CNTN4: variants seen among roughly 807,000 people sequenced by gnomAD.
The protein encoded by CNTN4 is contactin-4.
A neutral mutation model predicts 122.5 loss-of-function variants in CNTN4; 77 were observed. That is an observed-to-expected ratio of 0.63 (90% confidence interval 0.52 to 0.76). The LOEUF (loss-of-function observed/expected upper bound fraction) is 0.76, where lower values mean the gene tolerates loss of function less well. Among genes scored for constraint, CNTN4 ranks in the 30% least tolerant of loss-of-function variants. The pLI is 0.00. For missense variants in CNTN4, 1,256 were observed against 1,259.1 expected, an observed-to-expected ratio of 1.00 and a Z score of 0.04; for synonymous variants, 512 against 447.0, an observed-to-expected ratio of 1.15 and a Z score of -1.83.
intron 8 of CNTN4, among the ~76,000 whole-genome samples, chr3:2,868,594 A>G (rs1186841549): frequency 6.6e-6 from 1 of 152,146 alleles, no homozygotes; most frequent in Non-Finnish European, 1.5e-5. Flanking sequence ...CATCCTTTCT[A>G]CATAGACTAC....
At chr3:2,555,704 A>G (rs1387190120) in intron 3 of CNTN4, among the ~76,000 whole-genome samples, 2 of 152,222 alleles carry the variant, frequency 1.3e-5, no homozygotes, top group East Asian at 3.8e-4. Context: ...GGCAGTGCAT[A>G]GTACAACTCT....
In CNTN4 at chr3:2,890,238, T is replaced by G. The variant is rs556883844; in HGVS notation, c.940+3014T>G. Among the ~76,000 whole-genome samples the G allele has an allele frequency of 2.6e-5, 4 of 152,362 alleles. No homozygotes were observed. In the South Asian group the frequency reaches 6.2e-4, roughly 24 times the overall value. Reference sequence around the variant, plus strand: ...TGTCACAGCCACAGGAGAGCTTAATTATACATAAGCACTTGGCTGTCATCT... The same window carrying G: ...TGTCACAGCCACAGGAGAGCTTAATGATACATAAGCACTTGGCTGTCATCT... On this transcript the variant is annotated intron_variant, in intron 10 of 24. Transcript: ENST00000418658.
intron 3 of CNTN4, among the ~76,000 whole-genome samples, chr3:2,394,842 A>G (rs1335516698): frequency 7.2e-6 from 1 of 138,756 alleles, no homozygotes; most frequent in African/African-American, 2.6e-5. Context: ...ACTGGAGTAC[A>G]GTGGCGCAAT....
At chr3:2,895,343 T>C (rs968017850) in intron 10 of CNTN4, among the ~76,000 whole-genome samples, 2 of 152,230 alleles carry the variant, frequency 1.3e-5, no homozygotes, top group Non-Finnish European at 2.9e-5. Flanking sequence ...CTAATTTTCA[T>C]AACATTTACA....
At chr3:2,574,632 C>A (rs949344160) in intron 4 of CNTN4, among the ~76,000 whole-genome samples, 2 of 152,092 alleles carry the variant, frequency 1.3e-5, no homozygotes, top group African/African-American at 2.4e-5. Context: ...CTTCATTATT[C>A]TTCTTCTTCA....
chr3:2,624,076 A>G (rs1329017439), intron 4 of CNTN4, among the ~76,000 whole-genome samples: 1 of 152,202 alleles, frequency 6.6e-6, no homozygotes, highest in African/African-American at 2.4e-5. Flanking sequence ...GCCATTCACT[A>G]CTTTGAAATT....
At chr3:3,010,469 A>T (rs77659288) in intron 14 of CNTN4, among the ~76,000 whole-genome samples, 1 of 24,048 alleles carries the variant, frequency 4.2e-5, no homozygotes, top group South Asian at 6.4e-4. Context: ...TGCCATTAAA[A>T]AAAAAAAAAA....
At chr3:2,474,036 A>T (rs1017416847) in intron 3 of CNTN4, among the ~76,000 whole-genome samples, 3 of 151,666 alleles carry the variant, frequency 2.0e-5, no homozygotes, top group African/African-American at 7.3e-5. Flanking sequence ...AAATATTGCC[A>T]AGTCTTCCTC....
intron 2 of CNTN4, among the ~76,000 whole-genome samples, chr3:2,229,975 C>T (rs905940905): frequency 6.6e-6 from 1 of 152,014 alleles, no homozygotes; most frequent in Non-Finnish European, 1.5e-5. Flanking sequence ...AGGAAACCAT[C>T]TTCATCATGG....
At chr3:2,130,203 G>A (rs1380822005) in intron 2 of CNTN4, among the ~76,000 whole-genome samples, 1 of 152,110 alleles carries the variant, frequency 6.6e-6, no homozygotes, top group Non-Finnish European at 1.5e-5. Context: ...TAAAAAGGGA[G>A]TCTCAGGATT....
chr3:2,904,994 T>A (rs1388533023), intron 12 of CNTN4, among the ~76,000 whole-genome samples: 6 of 152,110 alleles, frequency 3.9e-5, no homozygotes, highest in Non-Finnish European at 5.9e-5. Flanking sequence ...ATATCTAGAG[T>A]GCCTACCCAT....
intron 2 of CNTN4, among the ~76,000 whole-genome samples, chr3:2,119,164 C>T (rs763493638): frequency 7.2e-5 from 11 of 152,222 alleles, no homozygotes; most frequent in Non-Finnish European, 1.5e-4. Flanking sequence ...TGCTAGCAGA[C>T]AGCTTTTGGT....
chr3:2,632,037 C>G (rs1231677887), intron 4 of CNTN4, among the ~76,000 whole-genome samples: 1 of 150,856 alleles, frequency 6.6e-6, no homozygotes, highest in African/African-American at 2.4e-5. Context: ...GGGGACAGAG[C>G]AAGACCCTGT....
chr3:2,313,568 A>T (rs1338356537), intron 2 of CNTN4, among the ~76,000 whole-genome samples: 3 of 152,024 alleles, frequency 2.0e-5, no homozygotes, highest in African/African-American at 4.8e-5. Flanking sequence ...CTGAAACAGA[A>T]TCTGACGCTC....
chr3:2,105,833 A>G (rs772573067), intron 2 of CNTN4, among the ~76,000 whole-genome samples: 3 of 152,134 alleles, frequency 2.0e-5, no homozygotes, highest in Admixed American at 6.5e-5. Flanking sequence ...TCCACAGTCC[A>G]AAGTCTCATC....
intron 2 of CNTN4, among the ~76,000 whole-genome samples, chr3:2,325,408 G>T (rs1387756899): frequency 8.5e-5 from 13 of 152,092 alleles, no homozygotes; most frequent in Admixed American, 8.5e-4. Context: ...TTCTAATGTA[G>T]TAAATATCAA....
chr3:2,566,233 A>G (rs1361701348), intron 3 of CNTN4, among the ~76,000 whole-genome samples: 1 of 152,210 alleles, frequency 6.6e-6, no homozygotes, highest in Non-Finnish European at 1.5e-5. Flanking sequence ...CTTTTAGAAG[A>G]GTTCATTACC....
intron 3 of CNTN4, among the ~76,000 whole-genome samples, chr3:2,400,433 A>ATATATATATATATG (rs1559520031): frequency 7.5e-6 from 1 of 133,798 alleles, no homozygotes; most frequent in African/African-American, 2.7e-5. Flanking sequence ...ATATACATAT[A>ATATATATATATATG]TATATATATA....
At chr3:2,414,707 A>G (rs966206010) in intron 3 of CNTN4, among the ~76,000 whole-genome samples, 5 of 152,190 alleles carry the variant, frequency 3.3e-5, no homozygotes, top group African/African-American at 1.2e-4. Context: ...TAGACATTCA[A>G]GGAGTTGATT....
Sources: allele counts gnomAD v4.1 joint callset (sites outside exome capture counted in the v4.1 genomes callset), GRCh38; gene constraint gnomAD v4.1.1; transcripts MANE v1.5; gene names NCBI Gene and HGNC (gene_info 2026-07-23, HGNC 2026-07-21).